Variants in MANBAL observed in about 807,000 individuals in gnomAD.
MANBAL encodes mannosidase beta like, also known as protein MANBAL.
In MANBAL, 1 loss-of-function variant was observed where a neutral mutation model predicts 6.4. That is an observed-to-expected ratio of 0.16 (90% CI 0.06 to 0.74). MANBAL has a LOEUF of 0.74. Among genes scored for constraint, MANBAL ranks in the 30% least tolerant of loss-of-function variants. The pLI, the probability that MANBAL is intolerant of heterozygous loss-of-function variation, is 0.78. For missense variants in MANBAL, 100 were observed against 107.8 expected, an observed-to-expected ratio of 0.93 and a Z score of 0.32; for synonymous variants, 47 against 45.8, an observed-to-expected ratio of 1.03 and a Z score of -0.10.
intron 1 of MANBAL, chr20:37,296,931 C>T (rs1400681761): frequency 6.6e-6 from 1 of 152,194 alleles, no homozygotes; most frequent in Non-Finnish European, 1.5e-5. Context: ...CCCTATCTTT[C>T]TATTGTACCA....
At chr20:37,298,927 G>C (rs1410628439) in intron 1 of MANBAL, 2 of 152,070 alleles carry the variant, frequency 1.3e-5, no homozygotes, top group African/African-American at 2.4e-5. Context: ...TATAGCAACA[G>C]GGTCCCACTC....
intron 2 of MANBAL, chr20:37,302,390 T>C (rs2069160279): frequency 2.0e-6 from 3 of 1,530,086 alleles, no homozygotes; most frequent in African/African-American, 1.4e-5. Flanking sequence ...AGGTGGTGTC[T>C]GGCTGCTGCA....
intron 1 of MANBAL, among the ~76,000 whole-genome samples, chr20:37,293,988 T>C (rs1364356188): frequency 1.3e-5 from 2 of 152,244 alleles, no homozygotes; most frequent in African/African-American, 4.8e-5. Context: ...GGTCTCACTA[T>C]GTTGCCCAAG....
chr20:37,294,543 A>G (rs1422819579), intron 1 of MANBAL, among the ~76,000 whole-genome samples: 2 of 152,166 alleles, frequency 1.3e-5, no homozygotes, highest in African/African-American at 4.8e-5. Flanking sequence ...TGCTTACTTG[A>G]CTGTTCTTGA....
chr20:37,295,996 G>A (rs995521772), intron 1 of MANBAL, among the ~76,000 whole-genome samples: 9 of 152,336 alleles, frequency 5.9e-5, no homozygotes, highest in South Asian at 2.1e-4. Context: ...GCCGTACGGC[G>A]CACAGTGTGT....
At chr20:37,302,972 G>T (rs1432683263) in intron 2 of MANBAL, among the ~76,000 whole-genome samples, 1 of 152,086 alleles carries the variant, frequency 6.6e-6, no homozygotes, top group Non-Finnish European at 1.5e-5. Flanking sequence ...GAGTGCAGTG[G>T]CACAATCACA....
At chr20:37,302,248 G>C (rs1217065596) in intron 2 of MANBAL, 3 of 1,550,508 alleles carry the variant, frequency 1.9e-6, no homozygotes, top group Non-Finnish European at 2.6e-6. Flanking sequence ...CATTTAACGT[G>C]TTTCTCTGTT....
chr20:37,311,769 G>A (rs2069392849), intron 2 of MANBAL, among the ~76,000 whole-genome samples: 1 of 152,238 alleles, frequency 6.6e-6, no homozygotes, highest in Non-Finnish European at 1.5e-5. Flanking sequence ...TTACGGGCGT[G>A]AGCCACCGCG....
intron 1 of MANBAL, among the ~76,000 whole-genome samples, chr20:37,290,487 GTCTC>G (rs770942209): frequency 2.4e-4 from 37 of 151,256 alleles, no homozygotes; most frequent in Admixed American, 8.6e-4. Context: ...TAGAGACGGA[GTCTC>G]TCTCTCGTCC....
At chr20:37,313,735 G>A (rs1334034918) in intron 2 of MANBAL, among the ~76,000 whole-genome samples, 1 of 152,168 alleles carries the variant, frequency 6.6e-6, no homozygotes, top group Non-Finnish European at 1.5e-5. Flanking sequence ...TAAGGTTCCT[G>A]GGTGCCTAGG....
At chr20:37,302,856 A>G (rs2069169723) in intron 2 of MANBAL, among the ~76,000 whole-genome samples, 1 of 151,120 alleles carries the variant, frequency 6.6e-6, no homozygotes, top group Non-Finnish European at 1.5e-5. Context: ...GTTCTTTGTC[A>G]TACTTCATTA....
intron 2 of MANBAL, among the ~76,000 whole-genome samples, chr20:37,313,902 C>T (rs776887741): frequency 6.6e-6 from 1 of 152,156 alleles, no homozygotes; most frequent in Non-Finnish European, 1.5e-5. Flanking sequence ...TGAAGGTGAC[C>T]AGCGGAAGCT....
intron 1 of MANBAL, among the ~76,000 whole-genome samples, chr20:37,293,061 C>T (rs990833646): frequency 1.1e-4 from 16 of 152,198 alleles, no homozygotes; most frequent in Admixed American, 2.0e-4. Context: ...TTATCCATGA[C>T]TGCATGGATT....
intron 1 of MANBAL, among the ~76,000 whole-genome samples, chr20:37,292,969 G>A (rs2068907729): frequency 6.6e-6 from 1 of 152,166 alleles, no homozygotes; most frequent in African/African-American, 2.4e-5. Flanking sequence ...AGAGACATAC[G>A]TATATATGCA....
intron 1 of MANBAL, chr20:37,297,044 G>C (rs2069013413): frequency 6.6e-6 from 1 of 152,168 alleles, no homozygotes. Flanking sequence ...CAAAAAGCTT[G>C]GGGCCAAGGG....
intron 1 of MANBAL, 118 bp from the exon 2 acceptor site, chr20:37,301,090 C>T (rs1467686332): frequency 5.7e-6 from 3 of 524,418 alleles, no homozygotes; most frequent in Non-Finnish European, 8.4e-6. Context: ...TTGCAGTGAT[C>T]ATGCCATTGC....
At chr20:37,293,495 AAT>A (rs1221196193) in intron 1 of MANBAL, among the ~76,000 whole-genome samples, 2 of 152,112 alleles carry the variant, frequency 1.3e-5, no homozygotes, top group Non-Finnish European at 2.9e-5. Flanking sequence ...AGCGGCTGTA[AAT>A]ATAAAAGAAA....
intron 2 of MANBAL, among the ~76,000 whole-genome samples, chr20:37,310,611 T>G (rs2069364993): frequency 6.6e-6 from 1 of 152,232 alleles, no homozygotes; most frequent in Admixed American, 6.5e-5. Context: ...CTTTTCATGC[T>G]GGAAGGGATA....
chr20:37,292,245 T>A (rs914859774), intron 1 of MANBAL, among the ~76,000 whole-genome samples: 1 of 152,192 alleles, frequency 6.6e-6, no homozygotes, highest in Non-Finnish European at 1.5e-5. Context: ...TGTGGGAAAT[T>A]TGTCTGTTCC....
Sources: gnomAD v4.1 joint callset for allele counts (sites outside exome capture counted in the v4.1 genomes callset) on GRCh38, gnomAD v4.1.1 for gene constraint, MANE v1.5 for transcripts, NCBI Gene and HGNC (gene_info 2026-07-23, HGNC 2026-07-21) for gene names.